The following NFATC3 variants were observed in gnomAD, a reference collection of about 807,000 sequenced individuals.
NFATC3 encodes nuclear factor of activated T cells 3.
NFATC3 carries 46 observed loss-of-function variants against 98.6 expected under a neutral mutation model. That is an observed-to-expected ratio of 0.47 (90% confidence interval 0.37 to 0.60). NFATC3 has a LOEUF of 0.60. NFATC3 is among the 20% of genes least tolerant of loss of function. The probability of loss-of-function intolerance (pLI) is 0.00; values close to 1 mark genes in which losing one functional copy is unlikely to be tolerated. For missense variants in NFATC3, 1,256 were observed against 1,295.5 expected, an observed-to-expected ratio of 0.97 and a Z score of 0.47; for synonymous variants, 512 against 472.2, an observed-to-expected ratio of 1.08 and a Z score of -1.09.
At chr16:68,094,207 G>C (rs1181849407) in intron 1 of NFATC3, among the ~76,000 whole-genome samples, 1 of 152,124 alleles carries the variant, frequency 6.6e-6, no homozygotes, top group Non-Finnish European at 1.5e-5. Context: ...GGAGAAATTG[G>C]CCTTTGTCTT....
At chr16:68,145,034 C>T (rs926295139) in intron 3 of NFATC3, among the ~76,000 whole-genome samples, 1 of 152,082 alleles carries the variant, frequency 6.6e-6, no homozygotes, top group Admixed American at 6.5e-5. Flanking sequence ...TCTACAACTC[C>T]TAGCCTCAAG....
chr16:68,140,337 A>G lies in NFATC3; in HGVS notation c.1401+13727A>G, dbSNP rs527241375. The stretch of plus-strand genomic sequence containing the variant: ...GTGTCTAGCTAATTAATAAGCAGAC[A>G]TCTAGGGAAAAGGTAGATACTAAGG... On this transcript the variant is annotated intron_variant, in intron 3 of 9. Transcript: ENST00000346183. Among the ~76,000 whole-genome samples, 61 of 152,360 alleles carry G rather than the reference A, an allele frequency of 4.0e-4. 2 individuals are homozygous for G. The highest frequency in any genetic ancestry group is 2.0e-4 in the Admixed American group (3 of 15,300).
At chr16:68,124,448 T>G (rs1329424429) in intron 2 of NFATC3, among the ~76,000 whole-genome samples, 2 of 105,130 alleles carry the variant, frequency 1.9e-5, no homozygotes, top group African/African-American at 7.3e-5. Context: ...TTTTTTTTTT[T>G]AAGAGATGGA....
chr16:68,220,193 T>A (rs945459129), intron 9 of NFATC3, among the ~76,000 whole-genome samples: 1 of 152,196 alleles, frequency 6.6e-6, no homozygotes, highest in East Asian at 1.9e-4. Context: ...CTGTTCACTC[T>A]TGTTCTAGGC....
At chr16:68,138,458 C>T (rs1247061301) in intron 3 of NFATC3, 7 of 1,236,280 alleles carry the variant, frequency 5.7e-6, no homozygotes, top group Non-Finnish European at 7.2e-6. Context: ...GGTTTAAGAC[C>T]AAAAAAATTT....
At chr16:68,106,674 C>T (rs868727185) in intron 1 of NFATC3, among the ~76,000 whole-genome samples, 3 of 152,020 alleles carry the variant, frequency 2.0e-5, no homozygotes, top group Admixed American at 2.0e-4. Context: ...GATCTGTCCA[C>T]CTCAGCCTCC....
Position 68,122,495 on chromosome 16 carries a change from C to A in NFATC3, c.612C>A (p.Thr204=), listed in dbSNP as rs754118669. 6.2e-7 allele frequency: 1 copy of A among 1,614,030 alleles called. No homozygotes were observed. Among genetic ancestry groups the A allele is most frequent in the Admixed American group, 1.7e-5 (1 of 60,024 alleles). ...TGAATGAAGCTGCAGCCCGATTTAC[C>A]CTTGGATCCCCTCTGACTTCTCCTG... ...SELNEAAARF[T]LGSPLTSPGG... Residue 204 remains threonine, a synonymous_variant, in exon 2 of 10, where the codon ACC becomes ACA. Coordinates refer to ENST00000346183, the MANE Select transcript of NFATC3 (RefSeq NM_173165.3).
chr16:68,091,625 A>G (rs2034713468), intron 1 of NFATC3, among the ~76,000 whole-genome samples: 1 of 152,194 alleles, frequency 6.6e-6, no homozygotes, highest in Non-Finnish European at 1.5e-5. Flanking sequence ...GTTTTGTTTT[A>G]AATAAGAGGT....
At chr16:68,132,003 A>G (rs2037136862) in intron 3 of NFATC3, among the ~76,000 whole-genome samples, 1 of 152,214 alleles carries the variant, frequency 6.6e-6, no homozygotes. Flanking sequence ...CAACTCTGCA[A>G]ATATGTTGGA....
chr16:68,089,262 G>A (rs538008983), intron 1 of NFATC3: 180 of 985,404 alleles, frequency 1.8e-4, no homozygotes, highest in Non-Finnish European at 2.1e-4. Context: ...TCCTAAGCAA[G>A]CTTGTTAAAG....
At chr16:68,104,134 A>T (rs975703197) in intron 1 of NFATC3, among the ~76,000 whole-genome samples, 1 of 152,180 alleles carries the variant, frequency 6.6e-6, no homozygotes, top group Non-Finnish European at 1.5e-5. Context: ...AGAGTATTGC[A>T]TGTTAACATT....
intron 9 of NFATC3, among the ~76,000 whole-genome samples, chr16:68,197,784 T>C (rs1448201533): frequency 6.6e-6 from 1 of 152,218 alleles, no homozygotes. Context: ...AAGATACTTA[T>C]CCTAATAACT....
intron 9 of NFATC3, among the ~76,000 whole-genome samples, chr16:68,222,308 A>C (rs1452527763): frequency 2.2e-5 from 3 of 139,138 alleles, no homozygotes; most frequent in African/African-American, 7.8e-5. Context: ...AAAAAAAAAA[A>C]AAAAAAAAAA....
intron 3 of NFATC3, among the ~76,000 whole-genome samples, chr16:68,154,521 A>C (rs986705532): frequency 2.6e-5 from 4 of 152,160 alleles, no homozygotes; most frequent in Non-Finnish European, 5.9e-5. Context: ...TGCTTACCTG[A>C]AGCTCCTGAA....
At chr16:68,201,420 G>T (rs893869506) in intron 9 of NFATC3, among the ~76,000 whole-genome samples, 2 of 150,956 alleles carry the variant, frequency 1.3e-5, no homozygotes, top group Non-Finnish European at 3.0e-5. Flanking sequence ...TTTTTTGTTT[G>T]TTTTTGTTTT....
At chr16:68,162,789 C>A (rs1815184114) in intron 4 of NFATC3, among the ~76,000 whole-genome samples, 1 of 151,144 alleles carries the variant, frequency 6.6e-6, no homozygotes. Flanking sequence ...GTGTTTCTCG[C>A]AGAGGGGGAT....
intron 9 of NFATC3, among the ~76,000 whole-genome samples, chr16:68,195,582 G>A (rs1025683645): frequency 6.6e-6 from 1 of 152,122 alleles, no homozygotes; most frequent in African/African-American, 2.4e-5. Context: ...GCTGAGGTGG[G>A]CGGATCACGA....
rs143269690 is a variant in NFATC3 at position 68,191,745 on chromosome 16, A to G, written c.3076A>G (p.Ile1026Val). The change falls in exon 9 of 10, where the codon ATT becomes GTT. Residue 1026 changes from isoleucine to valine, a missense_variant. Ile to Val is a conservative substitution (Grantham distance 29). Coordinates refer to ENST00000346183, the MANE Select transcript of NFATC3 (RefSeq NM_173165.3). ...AGATCGAGAGCCTAACTTTGCAACC[A>G]TTGGTCTGCAGGACATCACTTTAGA... ...PEDREPNFAT[I>V]GLQDITLDDV... 6.2e-6 allele frequency: 10 copies of G among 1,614,050 alleles called. No individual in the cohort carries two copies. The highest frequency in any genetic ancestry group is 1.6e-4 in the Middle Eastern group (1 of 6,062).
chr16:68,091,725 A>T (rs1267090386), intron 1 of NFATC3, among the ~76,000 whole-genome samples: 1 of 152,220 alleles, frequency 6.6e-6, no homozygotes, highest in Non-Finnish European at 1.5e-5. Flanking sequence ...TTTGATAGTA[A>T]GCAGTAGTTT....
Sources: allele counts gnomAD v4.1 joint callset (sites outside exome capture counted in the v4.1 genomes callset), GRCh38; gene constraint gnomAD v4.1.1; transcripts MANE v1.5; gene names NCBI Gene and HGNC (gene_info 2026-07-23, HGNC 2026-07-21).